The following ABRACL variants were observed in gnomAD, a reference collection of about 807,000 sequenced individuals.
The protein encoded by ABRACL is ABRA C-terminal like.
Under a neutral mutation model 7.0 loss-of-function variants are expected in ABRACL, and 4 were observed. The observed-to-expected ratio is 0.57, with a 90% CI of 0.28 to 1.30. The LOEUF (loss-of-function observed/expected upper bound fraction) is 1.30, where lower values mean the gene tolerates loss of function less well. Ranked by LOEUF, ABRACL falls within the 50% of genes most tolerant of loss-of-function variation. The probability of loss-of-function intolerance (pLI) is 0.10; values close to 1 mark genes in which losing one functional copy is unlikely to be tolerated. For missense variants in ABRACL, 104 were observed against 97.3 expected, an observed-to-expected ratio of 1.07 and a Z score of -0.29; for synonymous variants, 30 against 36.0, an observed-to-expected ratio of 0.83 and a Z score of 0.60.
intron 1 of ABRACL, among the ~76,000 whole-genome samples, chr6:139,029,266 C>T (rs974696335): frequency 3.3e-5 from 5 of 152,176 alleles, no homozygotes; most frequent in South Asian, 4.2e-4. Context: ...AGAGGCTGCC[C>T]CGAGGAACGT....
intron 2 of ABRACL, among the ~76,000 whole-genome samples, chr6:139,035,963 G>A (rs1310879372): frequency 1.3e-5 from 2 of 151,302 alleles, no homozygotes; most frequent in African/African-American, 4.8e-5. Context: ...AATTAGCCAG[G>A]CATGCTGGCA....
At position 139,034,184 on chromosome 6, in the gene ABRACL, C is replaced by T; in HGVS notation, c.24C>T (p.Asn8=). 11 of 1,614,204 alleles carry T rather than the reference C, an allele frequency of 6.8e-6. No homozygotes were observed. Among genetic ancestry groups the T allele is most frequent in the Non-Finnish European group, 9.3e-6 (11 of 1,180,038 alleles). The change falls in exon 2 of 3, where the codon AAC becomes AAT. Residue 8 remains asparagine, a synonymous_variant. Transcript: ENST00000367660. ...CAATGAATGTGGATCACGAGGTTAA[C>T]CTCTTAGTGGAGGAAATTCATCGTT... MNVDHEV[N]LLVEEIHRLG...
intron 1 of ABRACL, among the ~76,000 whole-genome samples, chr6:139,033,438 A>G: frequency 6.6e-6 from 1 of 152,238 alleles, no homozygotes; most frequent in East Asian, 1.9e-4. Flanking sequence ...TGGTATTAAA[A>G]TTGCTGTTGT....
intron 1 of ABRACL, among the ~76,000 whole-genome samples, chr6:139,029,127 G>A (rs1275633007): frequency 6.6e-6 from 1 of 152,184 alleles, no homozygotes; most frequent in Non-Finnish European, 1.5e-5. Flanking sequence ...TTCGCCGGCC[G>A]GGGGCGGACT....
At chr6:139,038,528 T>C (rs1010914767) in intron 2 of ABRACL, among the ~76,000 whole-genome samples, 1 of 152,244 alleles carries the variant, frequency 6.6e-6, no homozygotes, top group African/African-American at 2.4e-5. Flanking sequence ...TGAATTTAGT[T>C]TTATCTTTTC....
chr6:139,040,105 A>G (rs1359178114), intron 2 of ABRACL, among the ~76,000 whole-genome samples: 2 of 152,162 alleles, frequency 1.3e-5, no homozygotes, highest in Non-Finnish European at 2.9e-5. Flanking sequence ...AAAAGAAAAA[A>G]GAACCAAAGA....
At chr6:139,042,084 A>C (rs1272567798) in intron 2 of ABRACL, among the ~76,000 whole-genome samples, 1 of 152,180 alleles carries the variant, frequency 6.6e-6, no homozygotes, top group African/African-American at 2.4e-5. Context: ...TGTCTCCCAG[A>C]TTACCCTTGC....
chr6:139,032,303 G>A (rs11155026), intron 1 of ABRACL, among the ~76,000 whole-genome samples: 54,629 of 152,100 alleles, frequency 0.36, 10,391 homozygotes, highest in Non-Finnish European at 0.42. Context: ...TTCAGGCCTC[G>A]TGCCTGTGTA....
At chr6:139,035,718 G>C (rs888349368) in intron 2 of ABRACL, among the ~76,000 whole-genome samples, 1 of 148,562 alleles carries the variant, frequency 6.7e-6, no homozygotes, top group Admixed American at 6.8e-5. Flanking sequence ...CCTGACCTCA[G>C]GTGATCCACC....
chr6:139,034,085 G>T, intron 1 of ABRACL, 70 bp from the exon 2 acceptor site: 2 of 1,591,844 alleles, frequency 1.3e-6, no homozygotes, highest in Non-Finnish European at 1.7e-6. Context: ...AAGACAAAGG[G>T]CTCTTGGATT....
chr6:139,037,450 G>C (rs1024566804), intron 2 of ABRACL, among the ~76,000 whole-genome samples: 9 of 152,058 alleles, frequency 5.9e-5, no homozygotes, highest in African/African-American at 2.2e-4. Context: ...TAGTAGAGAT[G>C]GGGTTTTGCC....
intron 2 of ABRACL, among the ~76,000 whole-genome samples, chr6:139,038,055 A>G (rs529637934): frequency 1.3e-5 from 2 of 152,218 alleles, no homozygotes; most frequent in East Asian, 3.9e-4. Flanking sequence ...GGGATTGTAG[A>G]CATGAGCTGC....
intron 2 of ABRACL, among the ~76,000 whole-genome samples, chr6:139,041,533 T>TATA (rs1562221154): frequency 4.7e-4 from 47 of 100,758 alleles, no homozygotes; most frequent in African/African-American, 1.6e-3. Flanking sequence ...ATATATATAT[T>TATA]TTTTTTTAGG....
intron 2 of ABRACL, among the ~76,000 whole-genome samples, chr6:139,039,295 A>C (rs1356646261): frequency 6.6e-6 from 1 of 152,178 alleles, no homozygotes; most frequent in African/African-American, 2.4e-5. Context: ...TTAAATTGGC[A>C]GTTTAATTAT....
chr6:139,041,768 C>A (rs1786257213), intron 2 of ABRACL, among the ~76,000 whole-genome samples: 1 of 151,978 alleles, frequency 6.6e-6, no homozygotes, highest in African/African-American at 2.4e-5. Context: ...GAATTGAAGT[C>A]ATTGCTTTGA....
intron 1 of ABRACL, among the ~76,000 whole-genome samples, chr6:139,033,250 G>C (rs1249176278): frequency 6.6e-6 from 1 of 152,202 alleles, no homozygotes; most frequent in East Asian, 1.9e-4. Flanking sequence ...ACAGTGTGCG[G>C]GACCCAGCTC....
chr6:139,042,650 G>A (rs1786269406), intron 2 of ABRACL, 69 bp from the exon 3 acceptor site: 1 of 1,416,800 alleles, frequency 7.1e-7, no homozygotes, highest in Non-Finnish European at 9.6e-7. Flanking sequence ...TAAAGATTTT[G>A]TAAGTCTTCC....
chr6:139,041,451 C>CTCTCTCTCTCTATA (rs140091253), intron 2 of ABRACL, among the ~76,000 whole-genome samples: 16 of 110,038 alleles, frequency 1.5e-4, no homozygotes, highest in East Asian at 2.5e-4. Context: ...CTCTCTCTCT[C>CTCTCTCTCTCTATA]TATATATATA....
chr6:139,039,804 T>C (rs1035828740), intron 2 of ABRACL, among the ~76,000 whole-genome samples: 2 of 152,112 alleles, frequency 1.3e-5, no homozygotes, highest in Admixed American at 6.5e-5. Flanking sequence ...TAGAAGGTCA[T>C]AGGGAGCCAT....
Sources: allele counts gnomAD v4.1 joint callset (sites outside exome capture counted in the v4.1 genomes callset), GRCh38; gene constraint gnomAD v4.1.1; transcripts MANE v1.5; gene names NCBI Gene and HGNC (gene_info 2026-07-23, HGNC 2026-07-21).